Variants in LARGE1 observed in about 807,000 individuals in gnomAD.
LARGE1 encodes LARGE xylosyl- and glucuronyltransferase 1, also known as xylosyl- and glucuronyltransferase LARGE1.
LARGE1 carries 43 observed loss-of-function variants against 87.6 expected under a neutral mutation model. The ratio of observed to expected loss-of-function variants is 0.49; its 90% confidence interval spans 0.38 to 0.63. The LOEUF is 0.63. Among genes scored for constraint, LARGE1 ranks in the 30% least tolerant of loss-of-function variants. LARGE1 has a pLI of 0.00. For synonymous variants in LARGE1, 434 were observed against 394.6 expected (o/e 1.10, Z -1.18); for missense variants, 802 against 1,000.2 (o/e 0.80, Z 2.67).
intron 6 of LARGE1, among the ~76,000 whole-genome samples, chr22:33,437,867 T>A (rs713732): frequency 0.2 from 29,775 of 152,022 alleles, 3,166 homozygotes; most frequent in Admixed American, 0.31. Context: ...AGGGCGATAT[T>A]AGCAAGATGG....
At chr22:33,173,412 A>C (rs1307958188) in intron 11 of LARGE1, among the ~76,000 whole-genome samples, 2 of 152,230 alleles carry the variant, frequency 1.3e-5, no homozygotes. Context: ...CAAATTGTAA[A>C]GATCATCGAC....
chr22:33,922,175 G>A (rs566325044), upstream of LARGE1, among the ~76,000 whole-genome samples: 168 of 151,574 alleles, frequency 1.1e-3, 2 homozygotes, highest in African/African-American at 3.6e-3. Context: ...CCTAGTTCTT[G>A]GAAGGGGCAG....
chr22:33,570,454 C>T (rs772119556), intron 5 of LARGE1, among the ~76,000 whole-genome samples: 39 of 151,898 alleles, frequency 2.6e-4, no homozygotes, highest in Non-Finnish European at 5.4e-4. Flanking sequence ...TCGAGACCAC[C>T]CTGGCCAACA....
chr22:33,498,832 G>A (rs968212522), intron 6 of LARGE1, among the ~76,000 whole-genome samples: 1 of 152,052 alleles, frequency 6.6e-6, no homozygotes, highest in Non-Finnish European at 1.5e-5. Context: ...TTAGCCGGGA[G>A]TGGTGGCGGG....
the LARGE1 span, among the ~76,000 whole-genome samples, chr22:33,130,116 C>T: frequency 6.6e-6 from 1 of 151,610 alleles, no homozygotes; most frequent in Non-Finnish European, 1.5e-5. Context: ...AGATCGAGAC[C>T]ATACTGGCTA....
chr22:33,345,767 G>C (rs1420772410), intron 9 of LARGE1, among the ~76,000 whole-genome samples: 7 of 152,218 alleles, frequency 4.6e-5, no homozygotes, highest in Admixed American at 3.9e-4. Context: ...CAAGGGCACA[G>C]AAGAAAGCAG....
chr22:33,560,513 G>A (rs548288947), intron 6 of LARGE1, among the ~76,000 whole-genome samples: 8 of 152,254 alleles, frequency 5.3e-5, no homozygotes, highest in South Asian at 2.1e-4. Flanking sequence ...TATTCAGCAC[G>A]GCCTTCTTCC....
At chr22:33,334,351 C>G (rs184964337) in intron 10 of LARGE1, among the ~76,000 whole-genome samples, 20 of 139,822 alleles carry the variant, frequency 1.4e-4, no homozygotes, top group Admixed American at 7.6e-5. Flanking sequence ...GCGGAGGTTA[C>G]AGTGAGCTGA....
chr22:33,081,257 T>A, the LARGE1 span, among the ~76,000 whole-genome samples: 1 of 152,230 alleles, frequency 6.6e-6, no homozygotes, highest in African/African-American at 2.4e-5. Context: ...GTCTATTGTT[T>A]AAATCACCCA....
chr22:33,419,025 G>C (rs1396770892), intron 7 of LARGE1, among the ~76,000 whole-genome samples: 1 of 152,108 alleles, frequency 6.6e-6, no homozygotes, highest in African/African-American at 2.4e-5. Context: ...CCGAGACTGG[G>C]TAATTTATGA....
chr22:33,105,678 A>AC, the LARGE1 span: 1 of 152,158 alleles, frequency 6.6e-6, no homozygotes, highest in African/African-American at 2.4e-5. Context: ...CAATCACTGC[A>AC]CGGCTGCTCC....
chr22:33,894,977 G>A (rs1456277371), intron 1 of LARGE1, among the ~76,000 whole-genome samples: 1 of 152,088 alleles, frequency 6.6e-6, no homozygotes, highest in Non-Finnish European at 1.5e-5. Flanking sequence ...AACAAATGGG[G>A]CAGAATATTT....
rs553550694 is a variant in LARGE1, at chr22:33,704,273, C to G, written c.107-53605G>C. Among the ~76,000 whole-genome samples the G allele has an allele frequency of 4.6e-5, 7 of 152,326 alleles. No individual in the cohort carries two copies. The East Asian group carries it at 1.2e-3, about 25-fold the overall frequency. On this transcript the variant is annotated intron_variant, in intron 2 of 14. Coordinates refer to ENST00000397394, the MANE Select transcript of LARGE1 (RefSeq NM_133642.5). ...TCTTGAAGATGCATACATGTATCTG[C>G]AGGGCTGTGACCCAGTACAAGCACG... is the stretch of plus-strand genomic sequence containing the variant.
At chr22:33,748,135 G>GTT (rs367726760) in intron 2 of LARGE1, among the ~76,000 whole-genome samples, 13,060 of 126,676 alleles carry the variant, frequency 0.1, 1,094 homozygotes, top group African/African-American at 0.21. Flanking sequence ...ATGCAGGTTT[G>GTT]TTTTTTTTTT....
intron 6 of LARGE1, among the ~76,000 whole-genome samples, chr22:33,505,923 C>T (rs2070742619): frequency 6.6e-6 from 1 of 152,132 alleles, no homozygotes. Context: ...GACAAAGCAC[C>T]ACATAGTTTG....
intron 1 of LARGE1, among the ~76,000 whole-genome samples, chr22:33,767,928 T>C (rs772224054): frequency 6.6e-6 from 1 of 152,242 alleles, no homozygotes; most frequent in Non-Finnish European, 1.5e-5. Context: ...TCACACATTG[T>C]CACTCGTCTT....
intron 11 of LARGE1, among the ~76,000 whole-genome samples, chr22:33,174,517 T>G (rs1922754822): frequency 6.6e-6 from 1 of 151,988 alleles, no homozygotes; most frequent in Non-Finnish European, 1.5e-5. Flanking sequence ...GATAGAGGCA[T>G]GAAAAACCCT....
At chr22:33,504,283 A>G (rs576347205) in intron 6 of LARGE1, among the ~76,000 whole-genome samples, 2 of 152,222 alleles carry the variant, frequency 1.3e-5, no homozygotes, top group South Asian at 4.1e-4. Context: ...ATTTTTAGAC[A>G]GAGTCTTGCT....
chr22:33,464,135 CA>C (rs2148035047), intron 6 of LARGE1, among the ~76,000 whole-genome samples: 1 of 152,202 alleles, frequency 6.6e-6, no homozygotes, highest in South Asian at 2.1e-4. Flanking sequence ...GGAACTTATT[CA>C]TTCATATATA....
Sources: gnomAD v4.1 joint callset for allele counts (sites outside exome capture counted in the v4.1 genomes callset) on GRCh38, gnomAD v4.1.1 for gene constraint, MANE v1.5 for transcripts, NCBI Gene and HGNC (gene_info 2026-07-23, HGNC 2026-07-21) for gene names.